Variants in TRIM71 observed in about 807,000 individuals in gnomAD.
TRIM71 encodes E3 ubiquitin-protein ligase TRIM71.
Under a neutral mutation model 61.2 loss-of-function variants are expected in TRIM71, and 9 were observed. The ratio of observed to expected loss-of-function variants is 0.15; its 90% confidence interval spans 0.09 to 0.26. TRIM71 has a LOEUF of 0.26. Among genes scored for constraint, TRIM71 ranks in the 10% least tolerant of loss-of-function variants. TRIM71 has a pLI of 1.00. For synonymous variants in TRIM71, 645 were observed against 553.2 expected, an observed-to-expected ratio of 1.17 and a Z score of -2.33; for missense variants, 998 against 1,238.7, an observed-to-expected ratio of 0.81 and a Z score of 2.92.
intron 1 of TRIM71, among the ~76,000 whole-genome samples, chr3:32,845,590 C>T (rs372681634): frequency 1.2e-4 from 18 of 152,274 alleles, no homozygotes; most frequent in African/African-American, 4.3e-4. Context: ...TAAATGAGAT[C>T]ATATGATATT....
At chr3:32,879,087 T>C (rs1037227284) in intron 2 of TRIM71, among the ~76,000 whole-genome samples, 1 of 145,282 alleles carries the variant, frequency 6.9e-6, no homozygotes, top group African/African-American at 2.9e-5. Flanking sequence ...TAACTTGTTT[T>C]CTTAAACCGT....
chr3:32,829,166 T>TTTTTTTC (rs1239992925), intron 1 of TRIM71, among the ~76,000 whole-genome samples: 2 of 150,394 alleles, frequency 1.3e-5, no homozygotes, highest in Non-Finnish European at 3.0e-5. Flanking sequence ...GATAATTTTC[T>TTTTTTTC]TTTTTTCTTT....
At chr3:32,834,237 G>C (rs973839563) in intron 1 of TRIM71, among the ~76,000 whole-genome samples, 1 of 152,170 alleles carries the variant, frequency 6.6e-6, no homozygotes, top group Non-Finnish European at 1.5e-5. Context: ...GGTTATAAAT[G>C]GAAACCATTT....
intron 1 of TRIM71, among the ~76,000 whole-genome samples, chr3:32,846,299 T>G (rs1696473681): frequency 6.6e-6 from 1 of 152,082 alleles, no homozygotes; most frequent in African/African-American, 2.4e-5. Context: ...ATGGTCTCGA[T>G]CTCCTGACCT....
intron 1 of TRIM71, 148 bp downstream of exon 1, chr3:32,819,080 A>G: frequency 1.1e-6 from 1 of 881,116 alleles, no homozygotes; most frequent in Non-Finnish European, 1.8e-6. Flanking sequence ...CCTTGCTACC[A>G]AAGTAGATCA....
At chr3:32,823,861 CAA>C (rs1470187230) in intron 1 of TRIM71, among the ~76,000 whole-genome samples, 2 of 152,078 alleles carry the variant, frequency 1.3e-5, no homozygotes, top group Admixed American at 1.3e-4. Flanking sequence ...ATCACGAGGT[CAA>C]GAGATCGAGA....
rs1697057706 is a variant in TRIM71 at position 32,894,325 on chromosome 3, G to C, written c.*2514G>C. 1.3e-5 allele frequency: 2 copies of C among 152,128 alleles called. No homozygotes were observed. The highest frequency in any genetic ancestry group is 4.1e-4 in the South Asian group (2 of 4,826). The allele number at this position is 152,128 out of a possible 1,614,324, so 9.4% of individuals were successfully genotyped here. A position where few individuals can be genotyped will look rare whatever the true frequency, so the allele number is the denominator to read the frequency against. On this transcript the variant is annotated 3_prime_UTR_variant, in exon 4 of 4. Coordinates refer to ENST00000383763, the MANE Select transcript of TRIM71 (RefSeq NM_001039111.3). The stretch of plus-strand genomic sequence containing the variant: ...CAGATGTAGGAAAATTTTGGGACCT[G>C]AATGAGAAATGTTCTTGGTGCATAA...
intron 1 of TRIM71, among the ~76,000 whole-genome samples, chr3:32,854,911 TA>T: frequency 6.6e-6 from 1 of 152,298 alleles, no homozygotes; most frequent in South Asian, 2.1e-4. Context: ...TGATCTCCCT[TA>T]CCCACGGTCA....
At chr3:32,868,646 T>C (rs1447655176) in intron 1 of TRIM71, among the ~76,000 whole-genome samples, 1 of 152,036 alleles carries the variant, frequency 6.6e-6, no homozygotes, top group Non-Finnish European at 1.5e-5. Context: ...CTTTTTTTTT[T>C]TTCATGGTTA....
rs955066160 is a variant in TRIM71 at position 32,892,518 on chromosome 3, A to G, written c.*707A>G. The G allele has an allele frequency of 1.3e-5, 2 of 152,188 alleles. No homozygotes were observed. Among genetic ancestry groups the G allele is most frequent in the African/African-American group, 2.4e-5 (1 of 41,454 alleles). The allele number at this position is 152,188 out of a possible 1,614,324, so 9.4% of individuals were successfully genotyped here. A position where few individuals can be genotyped will look rare whatever the true frequency, so the allele number is the denominator to read the frequency against. ...CGTTGTGGCTGTGGCTTGCTAGCCA[A>G]GAAAAGCAGACCCTTCATATTTTAG... On this transcript the variant is annotated 3_prime_UTR_variant, in exon 4 of 4. Coordinates refer to ENST00000383763, the MANE Select transcript of TRIM71 (RefSeq NM_001039111.3).
intron 2 of TRIM71, among the ~76,000 whole-genome samples, 175 bp from the exon 3 acceptor site, chr3:32,885,759 T>C (rs1226220338): frequency 6.6e-6 from 1 of 152,222 alleles, no homozygotes; most frequent in Admixed American, 6.5e-5. Context: ...TAGTTACATG[T>C]CAAACAGATG....
At chr3:32,838,438 G>A (rs1406345032) in intron 1 of TRIM71, among the ~76,000 whole-genome samples, 1 of 151,494 alleles carries the variant, frequency 6.6e-6, no homozygotes. Context: ...TGGTCAGGCT[G>A]GTCTCGAACT....
chr3:32,856,353 C>CCCCTG (rs1432112779), intron 1 of TRIM71, among the ~76,000 whole-genome samples: 2 of 152,006 alleles, frequency 1.3e-5, no homozygotes, highest in African/African-American at 2.4e-5. Flanking sequence ...TTTCACCGCT[C>CCCCTG]CCCTGCCCCC....
At position 32,869,572 on chromosome 3, in the gene TRIM71, C is replaced by T. The variant is rs572541118; in HGVS notation, c.853-4246C>T. Among the ~76,000 whole-genome samples the T allele has an allele frequency of 5.9e-5, 9 of 152,352 alleles. No homozygotes were observed. In the South Asian group the frequency reaches 1.7e-3, roughly 28 times the overall value. On this transcript the variant is annotated intron_variant, in intron 1 of 3. Transcript: ENST00000383763. The stretch of plus-strand genomic sequence containing the variant: ...GCATGTGCACACATGCGTGCACACA[C>T]GTTCATTAACAAAGCATTTTATTTA...
intron 1 of TRIM71, among the ~76,000 whole-genome samples, chr3:32,824,626 G>A (rs1468618791): frequency 6.6e-6 from 1 of 152,172 alleles, no homozygotes; most frequent in East Asian, 1.9e-4. Context: ...TGGGACTACA[G>A]GCTCTAGCCA....
chr3:32,844,094 C>CAT (rs1696442729), intron 1 of TRIM71, among the ~76,000 whole-genome samples: 1 of 152,124 alleles, frequency 6.6e-6, no homozygotes. Flanking sequence ...CATGCTTTCT[C>CAT]GCGTCGTCGT....
rs748989029 is a variant in TRIM71, at chr3:32,818,260, C to G, written c.180C>G (p.Pro60=). The change falls in exon 1 of 4, where the codon CCC becomes CCG. Residue 60 remains proline, a synonymous_variant. Coordinates refer to ENST00000383763, the MANE Select transcript of TRIM71 (RefSeq NM_001039111.3). ...GAAARRLHVL[P]CLHAFCRPCL... The stretch of plus-strand genomic sequence containing the variant: ...CGGCGCGCCGCCTACACGTCCTGCC[C>G]TGCCTGCACGCCTTCTGCCGCCCCT... 94 of 1,450,780 alleles carry G rather than the reference C, an allele frequency of 6.5e-5. 2 individuals carry two copies. The highest frequency in any genetic ancestry group is 6.3e-6 in the Non-Finnish European group (7 of 1,115,832). The allele number at this position is 1,450,780 out of a possible 1,614,324, so 89.9% of individuals were successfully genotyped here. A position where few individuals can be genotyped will look rare whatever the true frequency, so the allele number is the denominator to read the frequency against.
chr3:32,884,431 C>T (rs1696939080), intron 2 of TRIM71, among the ~76,000 whole-genome samples: 1 of 151,812 alleles, frequency 6.6e-6, no homozygotes, highest in African/African-American at 2.4e-5. Context: ...GGCGCAGTGG[C>T]TCATGCCTAT....
intron 1 of TRIM71, among the ~76,000 whole-genome samples, chr3:32,840,115 G>A (rs1366794885): frequency 6.6e-6 from 1 of 152,186 alleles, no homozygotes; most frequent in Non-Finnish European, 1.5e-5. Flanking sequence ...CTCCAAAACA[G>A]GAGTTGTTCA....
Sources: gnomAD v4.1 joint callset for allele counts (sites outside exome capture counted in the v4.1 genomes callset) on GRCh38, gnomAD v4.1.1 for gene constraint, MANE v1.5 for transcripts, NCBI Gene and HGNC (gene_info 2026-07-23, HGNC 2026-07-21) for gene names.